The following CSMD1 variants were observed in gnomAD, a reference collection of about 807,000 sequenced individuals.
The protein encoded by CSMD1 is CUB and Sushi multiple domains 1.
In CSMD1, 213 loss-of-function variants were observed where a neutral mutation model predicts 417.5. The observed-to-expected ratio is 0.51, with a 90% CI of 0.46 to 0.57. The LOEUF (loss-of-function observed/expected upper bound fraction) is 0.57. Among genes scored for constraint, CSMD1 ranks in the 20% least tolerant of loss-of-function variants. The pLI is 0.00. For missense variants in CSMD1, 6,923 were observed against 4,529.7 expected (o/e 1.53, Z -15.17); for synonymous variants, 2,862 against 1,736.8 (o/e 1.65, Z -16.11).
intron 10 of CSMD1, among the ~76,000 whole-genome samples, chr8:3,496,507 A>G (rs1209278002): frequency 2.6e-5 from 4 of 152,312 alleles, no homozygotes; most frequent in East Asian, 3.9e-4. Context: ...AATGCTATAA[A>G]CTACCCTCTT....
intron 5 of CSMD1, among the ~76,000 whole-genome samples, chr8:3,897,456 C>T (rs550445959): frequency 9.2e-5 from 14 of 152,198 alleles, no homozygotes; most frequent in African/African-American, 3.1e-4. Flanking sequence ...ATCTTAAAGT[C>T]ATGCATATAT....
chr8:4,917,177 CAGAG>C (rs1174695826), intron 1 of CSMD1, among the ~76,000 whole-genome samples: 3 of 152,138 alleles, frequency 2.0e-5, no homozygotes, highest in African/African-American at 2.4e-5. Context: ...AGGAGGAAGA[CAGAG>C]AGAAGTGGGA....
chr8:4,051,812 G>C (rs1047133824), intron 3 of CSMD1, among the ~76,000 whole-genome samples: 8 of 151,910 alleles, frequency 5.3e-5, no homozygotes, highest in African/African-American at 1.9e-4. Context: ...AATACTGACA[G>C]TTTTCTTCTC....
chr8:4,452,653 G>GTATTA (rs1344239187), intron 2 of CSMD1, among the ~76,000 whole-genome samples: 1 of 151,898 alleles, frequency 6.6e-6, no homozygotes, highest in Non-Finnish European at 1.5e-5. Context: ...TGAGTGAAAC[G>GTATTA]TAACATTGCA....
intron 8 of CSMD1, among the ~76,000 whole-genome samples, chr8:3,595,477 G>A (rs997466988): frequency 2.6e-5 from 4 of 152,168 alleles, no homozygotes; most frequent in Admixed American, 2.0e-4. Context: ...ATGCATCAGA[G>A]AGTAGATGGA....
chr8:4,068,751 A>G (rs1799390229), intron 3 of CSMD1, among the ~76,000 whole-genome samples: 1 of 152,242 alleles, frequency 6.6e-6, no homozygotes, highest in Non-Finnish European at 1.5e-5. Flanking sequence ...TTTCTGTACC[A>G]TAAAATAATG....
chr8:3,486,358 A>C, intron 11 of CSMD1, among the ~76,000 whole-genome samples: 1 of 152,224 alleles, frequency 6.6e-6, no homozygotes, highest in Non-Finnish European at 1.5e-5. Flanking sequence ...TGCACTGTAA[A>C]TGCATGCATC....
intron 1 of CSMD1, among the ~76,000 whole-genome samples, chr8:4,896,463 A>G (rs1485440399): frequency 6.6e-6 from 1 of 152,096 alleles, no homozygotes; most frequent in Non-Finnish European, 1.5e-5. Context: ...GAAAATGTTG[A>G]AACTCTCAAA....
At chr8:3,853,090 T>G (rs776516478) in intron 5 of CSMD1, among the ~76,000 whole-genome samples, 5 of 152,134 alleles carry the variant, frequency 3.3e-5, no homozygotes, top group Admixed American at 2.0e-4. Context: ...CCTGCCACCC[T>G]GACCTCATCA....
chr8:4,545,546 T>C (rs148711326), intron 2 of CSMD1, among the ~76,000 whole-genome samples: 3 of 152,128 alleles, frequency 2.0e-5, no homozygotes, highest in African/African-American at 4.8e-5. Context: ...TATATAAAAA[T>C]GTAACACAAA....
intron 37 of CSMD1, among the ~76,000 whole-genome samples, chr8:3,165,033 A>T (rs1820122719): frequency 6.6e-6 from 1 of 151,896 alleles, no homozygotes; most frequent in Non-Finnish European, 1.5e-5. Flanking sequence ...AAATAAATGA[A>T]TAAAATAAAA....
At position 2,935,506 on chromosome 8, in the gene CSMD1, A is replaced by G. The variant is rs1299517154; in HGVS notation, c.*3079T>C. 6.6e-6 allele frequency: 1 copy of G among 152,210 alleles called. No homozygotes were observed. Among genetic ancestry groups the G allele is most frequent in the Non-Finnish European group, 1.5e-5 (1 of 68,042 alleles). The allele number at this position is 152,210 out of a possible 1,614,324, so 9.4% of individuals were successfully genotyped here. ...GCCACTTTAATATTAATACATGTGT[A>G]ATAGGATTGGAACTGAAAATCAGCT... On this transcript the variant is annotated 3_prime_UTR_variant, in exon 70 of 70. Coordinates refer to ENST00000635120, the MANE Select transcript of CSMD1 (RefSeq NM_033225.6).
chr8:4,935,938 GA>G (rs1807590708), intron 1 of CSMD1, among the ~76,000 whole-genome samples: 3 of 152,164 alleles, frequency 2.0e-5, no homozygotes. Context: ...CTGCCGCTCA[GA>G]ACAGTTAGTA....
chr8:4,387,283 T>C (rs1319821438), intron 3 of CSMD1, among the ~76,000 whole-genome samples: 1 of 152,132 alleles, frequency 6.6e-6, no homozygotes, highest in Non-Finnish European at 1.5e-5. Flanking sequence ...ACTTTTTAAA[T>C]TAAGTCACTC....
In CSMD1 at chr8:3,907,898, G is replaced by T. The variant is rs564137679; in HGVS notation, c.818+90005C>A. On this transcript the variant is annotated intron_variant, in intron 5 of 69. Transcript: ENST00000635120. ...TCTCTCTTCTTGAGAATATTTCAGG[G>T]ATTCTTGTCCTCTGGAAACAACATG... Among the ~76,000 whole-genome samples, 301 of 152,286 alleles carry T rather than the reference G, an allele frequency of 2.0e-3. 1 individual carries two copies. Among genetic ancestry groups the T allele is most frequent in the African/African-American group, 6.9e-3 (287 of 41,562 alleles).
At chr8:4,153,048 G>T (rs7006073) in intron 3 of CSMD1, among the ~76,000 whole-genome samples, 2 of 151,946 alleles carry the variant, frequency 1.3e-5, no homozygotes, top group African/African-American at 4.8e-5. Flanking sequence ...CTTGTAACGT[G>T]TTATTAACAG....
intron 2 of CSMD1, among the ~76,000 whole-genome samples, chr8:4,596,164 G>C (rs183414506): frequency 6.6e-6 from 1 of 152,046 alleles, no homozygotes; most frequent in African/African-American, 2.4e-5. Context: ...ACATAAGTCT[G>C]GAATAATATA....
intron 6 of CSMD1, among the ~76,000 whole-genome samples, chr8:3,711,386 C>A (rs1347330514): frequency 6.6e-6 from 1 of 152,150 alleles, no homozygotes; most frequent in East Asian, 1.9e-4. Flanking sequence ...TGTTCATCTT[C>A]AGCCCGTTTC....
chr8:3,194,898 G>A (rs962776337), intron 33 of CSMD1, among the ~76,000 whole-genome samples: 1 of 152,074 alleles, frequency 6.6e-6, no homozygotes, highest in Non-Finnish European at 1.5e-5. Context: ...TGGGAGAGGA[G>A]AACCCAGGTT....
Sources: allele counts gnomAD v4.1 joint callset (sites outside exome capture counted in the v4.1 genomes callset), GRCh38; gene constraint gnomAD v4.1.1; transcripts MANE v1.5; gene names NCBI Gene and HGNC (gene_info 2026-07-23, HGNC 2026-07-21).